The following WDPCP variants were observed in gnomAD, a reference collection of about 807,000 sequenced individuals.
The protein encoded by WDPCP is WD repeat-containing and planar cell polarity effector protein fritz homolog.
A neutral mutation model predicts 93.1 loss-of-function variants in WDPCP; 71 were observed. That is an observed-to-expected ratio of 0.76 (90% CI 0.63 to 0.93). The LOEUF is 0.93. Ranked by LOEUF, WDPCP falls within the 40% of genes least tolerant of loss-of-function variation. The probability of loss-of-function intolerance (pLI) is 0.00; values close to 1 mark genes in which losing one functional copy is unlikely to be tolerated. For missense variants in WDPCP, 844 were observed against 887.4 expected (o/e 0.95, Z 0.62); for synonymous variants, 315 against 315.0 (o/e 1.00, Z 0.00).
chr2:63,800,313 T>C (rs901506571), intron 2 of WDPCP, among the ~76,000 whole-genome samples: 1 of 152,218 alleles, frequency 6.6e-6, no homozygotes, highest in African/African-American at 2.4e-5. Context: ...CGGAGCTCCG[T>C]ACAGCTGCAT....
intron 2 of WDPCP, chr2:63,684,611 G>C (rs1245556352): frequency 4.2e-6 from 3 of 719,120 alleles, no homozygotes; most frequent in Non-Finnish European, 7.8e-6. Flanking sequence ...TGTCTTCAGA[G>C]ATCCTGCTCT....
At chr2:63,366,866 A>C (rs1690950496) in intron 12 of WDPCP, among the ~76,000 whole-genome samples, 1 of 152,014 alleles carries the variant, frequency 6.6e-6, no homozygotes, top group South Asian at 2.1e-4. Context: ...CTGAAGTTCT[A>C]ATTCTAGTCT....
At chr2:63,495,068 C>A (rs189572926) in intron 1 of WDPCP, among the ~76,000 whole-genome samples, 1 of 151,990 alleles carries the variant, frequency 6.6e-6, no homozygotes, top group Admixed American at 6.6e-5. Context: ...TACTTTCTTC[C>A]GTGCATTAAA....
intron 1 of WDPCP, among the ~76,000 whole-genome samples, chr2:63,574,446 C>CTATTT (rs1344227855): frequency 6.6e-6 from 1 of 152,148 alleles, no homozygotes; most frequent in Non-Finnish European, 1.5e-5. Flanking sequence ...TAGAAAATCC[C>CTATTT]TATTTTCTTC....
chr2:63,143,066 C>T (rs577958538), intron 17 of WDPCP, among the ~76,000 whole-genome samples: 1 of 152,112 alleles, frequency 6.6e-6, no homozygotes, highest in East Asian at 1.9e-4. Context: ...TTCTCCTGCC[C>T]CAGCCTCGTG....
rs772915355 is a variant in WDPCP at position 63,174,658 on chromosome 2, A to G, written c.2078+12T>C. 1 of 1,613,818 alleles carries G rather than the reference A, an allele frequency of 6.2e-7. No homozygotes were observed. Among genetic ancestry groups the G allele is most frequent in the Non-Finnish European group, 8.5e-7 (1 of 1,179,786 alleles). On this transcript the variant is annotated intron_variant, in intron 15 of 17. Transcript: ENST00000272321. ...CTTTATGGAGCAATTTCCTCAGTTC[A>G]ACATTTCTTACCTGTTAGAAGAGCC... is the stretch of plus-strand genomic sequence containing the variant.
intron 6 of WDPCP, among the ~76,000 whole-genome samples, chr2:63,469,445 C>G (rs965760043): frequency 6.6e-6 from 1 of 152,174 alleles, no homozygotes; most frequent in Non-Finnish European, 1.5e-5. Flanking sequence ...ATGGAATCAA[C>G]CTAGATGCCC....
At chr2:63,241,981 G>A (rs565569819) in intron 14 of WDPCP, among the ~76,000 whole-genome samples, 186 of 152,216 alleles carry the variant, frequency 1.2e-3, no homozygotes, top group South Asian at 6.6e-3. Flanking sequence ...GTAATGTAGT[G>A]ATGACATGTC....
intron 3 of WDPCP, among the ~76,000 whole-genome samples, chr2:63,635,787 A>C (rs1709914627): frequency 1.3e-5 from 2 of 152,200 alleles, no homozygotes; most frequent in South Asian, 4.1e-4. Context: ...TCCTCTAAGA[A>C]GTAGAACAAG....
chr2:63,140,034 T>A (rs1416407239), intron 17 of WDPCP, among the ~76,000 whole-genome samples: 1 of 152,248 alleles, frequency 6.6e-6, no homozygotes, highest in Non-Finnish European at 1.5e-5. Context: ...TACATGTGGC[T>A]AGCCAATTAT....
intron 2 of WDPCP, among the ~76,000 whole-genome samples, chr2:63,784,517 C>G (rs993701113): frequency 6.6e-6 from 1 of 151,892 alleles, no homozygotes; most frequent in Non-Finnish European, 1.5e-5. Context: ...TGAAAGACAA[C>G]TCTTCAAAGA....
chr2:63,682,032 C>G (rs1668708885), intron 2 of WDPCP, among the ~76,000 whole-genome samples: 1 of 152,226 alleles, frequency 6.6e-6, no homozygotes, highest in African/African-American at 2.4e-5. Context: ...CATTCAAGTC[C>G]TTTTGAATAC....
At chr2:63,229,036 T>G (rs1482107687) in intron 14 of WDPCP, 2 of 152,188 alleles carry the variant, frequency 1.3e-5, no homozygotes, top group East Asian at 1.9e-4. Flanking sequence ...TGAACTAGTT[T>G]ACAGTCCCAC....
At chr2:63,123,886 T>TAA (rs894181802) in intron 17 of WDPCP, among the ~76,000 whole-genome samples, 12 of 150,754 alleles carry the variant, frequency 8.0e-5, no homozygotes, top group Admixed American at 2.0e-4. Flanking sequence ...TATATATATA[T>TAA]AATTCTGTAT....
intron 2 of WDPCP, among the ~76,000 whole-genome samples, chr2:63,665,766 T>A (rs1049439361): frequency 2.6e-5 from 4 of 152,206 alleles, no homozygotes; most frequent in Non-Finnish European, 5.9e-5. Flanking sequence ...GAAGTTGACA[T>A]GGAGGAAGGG....
intron 14 of WDPCP, among the ~76,000 whole-genome samples, chr2:63,245,440 G>A (rs1193860376): frequency 1.3e-5 from 2 of 152,192 alleles, no homozygotes; most frequent in Non-Finnish European, 2.9e-5. Flanking sequence ...GGACAGTGGT[G>A]TAACTGTAAA....
chr2:63,150,233 G>A (rs887487770), intron 17 of WDPCP, among the ~76,000 whole-genome samples: 1 of 152,158 alleles, frequency 6.6e-6, no homozygotes, highest in East Asian at 1.9e-4. Context: ...ATTTTTGTAT[G>A]TGTGGCTTTC....
At position 63,358,631 on chromosome 2, in the gene WDPCP, A is replaced by AT. The variant is rs575956902; in HGVS notation, c.1748+19754dup. ...ACCATCACACCTGGCTAATTATTTTATTTTTTGTAGAGATGGGGTCTCACT... is the reference window on the plus strand; with the variant it reads ...ACCATCACACCTGGCTAATTATTTTATTTTTTTGTAGAGATGGGGTCTCACT... On this transcript the variant is annotated intron_variant, in intron 12 of 17. Coordinates refer to ENST00000272321, the MANE Select transcript of WDPCP (RefSeq NM_015910.7). Among the ~76,000 whole-genome samples the AT allele has an allele frequency of 3.3e-5, 5 of 152,100 alleles. No homozygotes were observed. The South Asian group carries it at 1.0e-3, about 32-fold the overall frequency.
Position 63,599,133 on chromosome 2 carries a change from T to C in WDPCP, n.488+51526A>G, listed in dbSNP as rs1053520069. The C allele has an allele frequency of 1.9e-6, 3 of 1,603,424 alleles. No individual in the cohort carries two copies. In the African/African-American group the frequency reaches 4.0e-5, roughly 21 times the overall value. ...TAACATAGATTAGTTAGTAACTATA[T>C]AGTCTGTAACTCTTCAGTGCCTTCC... On this transcript the variant is annotated intron_variant and non_coding_transcript_variant, in intron 3 of 4. Transcript: ENST00000467687.
Sources: allele counts gnomAD v4.1 joint callset (sites outside exome capture counted in the v4.1 genomes callset), GRCh38; gene constraint gnomAD v4.1.1; transcripts MANE v1.5; gene names NCBI Gene and HGNC (gene_info 2026-07-23, HGNC 2026-07-21).